DNAH11: variants seen among roughly 807,000 people sequenced by gnomAD.
DNAH11 encodes the protein axonemal beta dynein heavy chain 11.
A neutral mutation model predicts 526.0 loss-of-function variants in DNAH11; 442 were observed. The ratio of observed to expected loss-of-function variants is 0.84; its 90% confidence interval spans 0.78 to 0.91. The LOEUF is 0.91. Among genes scored for constraint, DNAH11 ranks in the 40% least tolerant of loss-of-function variants. DNAH11 has a pLI of 0.00. For missense variants in DNAH11, 6,989 were observed against 5,448.7 expected (o/e 1.28, Z -8.90); for synonymous variants, 2,461 against 1,935.9 (o/e 1.27, Z -7.12).
intron 63 of DNAH11, among the ~76,000 whole-genome samples, chr7:21,809,251 G>C (rs1181776587): frequency 1.3e-5 from 2 of 152,100 alleles, no homozygotes; most frequent in Admixed American, 6.6e-5. Context: ...ATTTGCTATT[G>C]AGTTGTTTGA....
intron 42 of DNAH11, among the ~76,000 whole-genome samples, chr7:21,713,635 T>C (rs1784543392): frequency 6.6e-6 from 1 of 152,164 alleles, no homozygotes; most frequent in African/African-American, 2.4e-5. Flanking sequence ...AGTCCTTTTA[T>C]TGATCCTTCC....
intron 30 of DNAH11, among the ~76,000 whole-genome samples, chr7:21,680,828 C>G (rs933128892): frequency 2.0e-5 from 3 of 152,146 alleles, no homozygotes; most frequent in Admixed American, 6.5e-5. Context: ...CCAAAGCAAA[C>G]ACAAATTGTT....
At chr7:21,738,890 T>G in intron 47 of DNAH11, 24 bp downstream of exon 47, 1 of 1,531,576 alleles carries the variant, frequency 6.5e-7, no homozygotes. Flanking sequence ...TGTAGTTTAC[T>G]CTCTCCCAAA....
intron 54 of DNAH11, among the ~76,000 whole-genome samples, chr7:21,752,944 C>T (rs1186747482): frequency 1.3e-5 from 2 of 152,124 alleles, no homozygotes; most frequent in Non-Finnish European, 2.9e-5. Flanking sequence ...GAACTCGTGG[C>T]CTCATGTCCA....
chr7:21,894,514 C>G, intron 77 of DNAH11, 109 bp from the exon 78 acceptor site: 4 of 1,166,180 alleles, frequency 3.4e-6, no homozygotes, highest in Non-Finnish European at 4.8e-6. Context: ...CAGGCACCTT[C>G]GGAAGTCGTA....
At position 21,867,063 on chromosome 7, in the gene DNAH11, C is replaced by A. The variant is rs190170146; in HGVS notation, c.11690+400C>A. Among the ~76,000 whole-genome samples the A allele has an allele frequency of 1.3e-4, 20 of 152,278 alleles. 1 individual carries two copies. The highest frequency in any genetic ancestry group is 1.9e-4 in the African/African-American group (8 of 41,570). Reference sequence around the variant, plus strand: ...TTTGCATGTCAAACAAAAATGCATTCCTTTCATGGAGTCACTCATAGTCCC... The same window carrying A: ...TTTGCATGTCAAACAAAAATGCATTACTTTCATGGAGTCACTCATAGTCCC... On this transcript the variant is annotated intron_variant, in intron 71 of 81. Coordinates refer to ENST00000409508, the MANE Select transcript of DNAH11 (RefSeq NM_001277115.2).
chr7:21,867,732 C>G (rs1199763179), intron 71 of DNAH11, 127 bp from the exon 72 acceptor site: 16 of 780,578 alleles, frequency 2.0e-5, no homozygotes, highest in Non-Finnish European at 2.7e-5. Flanking sequence ...GTTATTCTAA[C>G]AAGACATCCC....
intron 30 of DNAH11, among the ~76,000 whole-genome samples, chr7:21,663,436 T>A (rs921459114): frequency 2.0e-5 from 3 of 152,136 alleles, no homozygotes; most frequent in Non-Finnish European, 4.4e-5. Flanking sequence ...ATTTATATTC[T>A]CACGAAGAAT....
chr7:21,711,270 A>G (rs537091621), intron 41 of DNAH11, among the ~76,000 whole-genome samples: 1 of 152,286 alleles, frequency 6.6e-6, no homozygotes, highest in South Asian at 2.1e-4. Context: ...AAGATTTAGT[A>G]ACCACCTTAA....
At chr7:21,789,763 CTCTTTCTT>C (rs1554281334) in intron 61 of DNAH11, among the ~76,000 whole-genome samples, 50 of 73,044 alleles carry the variant, frequency 6.8e-4, no homozygotes, top group African/African-American at 1.6e-3. Context: ...ATTTCTTTCT[CTCTTTCTT>C]TCTTTCTTTC....
Position 21,639,023 on chromosome 7 carries a change from T to C in DNAH11, c.4902T>C (p.Ala1634=), listed in dbSNP as rs1786999536. The stretch of plus-strand genomic sequence containing the variant: ...CTCGCTTCTATTTCGTCTCTTCTGC[T>C]GATTTACTTGACATTCTCTCAAAAG... ...AFPRFYFVSS[A]DLLDILSKGA... is the part of the protein sequence containing the mutation. The change falls in exon 28 of 82, where the codon GCT becomes GCC. Residue 1634 remains alanine (A), a synonymous_variant. Coordinates refer to ENST00000409508, the MANE Select transcript of DNAH11 (RefSeq NM_001277115.2). The C allele has an allele frequency of 6.2e-7, 1 of 1,613,740 alleles. No homozygotes were observed. The highest frequency in any genetic ancestry group is 2.2e-5 in the East Asian group (1 of 44,870).
At chr7:21,705,309 A>G in intron 38 of DNAH11, 151 bp from the exon 39 acceptor site, 1 of 688,796 alleles carries the variant, frequency 1.5e-6, no homozygotes, top group Non-Finnish European at 2.4e-6. Context: ...TATACTTTTC[A>G]CTTATGGTCT....
At position 21,765,840 on chromosome 7, in the gene DNAH11, A is replaced by C. The variant is rs576754918; in HGVS notation, c.9102+251A>C. Among the ~76,000 whole-genome samples, 89 of 152,354 alleles carry C rather than the reference A, an allele frequency of 5.8e-4. 1 individual carries two copies. The highest frequency in any genetic ancestry group is 3.4e-3 in the Admixed American group (52 of 15,306). ...CACACGTGCGTGAACACGGGCACGC[A>C]CACAGCACTTGAGTATGTTCTCACT... On this transcript the variant is annotated intron_variant, in intron 55 of 81. Coordinates refer to ENST00000409508, the MANE Select transcript of DNAH11 (RefSeq NM_001277115.2).
chr7:21,631,407 CAA>C (rs1223872158), intron 25 of DNAH11, among the ~76,000 whole-genome samples: 1 of 152,154 alleles, frequency 6.6e-6, no homozygotes, highest in Non-Finnish European at 1.5e-5. Flanking sequence ...AGCATTAACT[CAA>C]GAGTCCACAG....
chr7:21,863,334 TTTTG>T (rs1174132841), intron 69 of DNAH11, among the ~76,000 whole-genome samples: 3 of 152,180 alleles, frequency 2.0e-5, no homozygotes, highest in Non-Finnish European at 4.4e-5. Context: ...ATACTTGTTT[TTTTG>T]TTTGTTTTGA....
At chr7:21,580,948 T>G (rs1378578745) in intron 8 of DNAH11, among the ~76,000 whole-genome samples, 1 of 152,214 alleles carries the variant, frequency 6.6e-6, no homozygotes, top group African/African-American at 2.4e-5. Flanking sequence ...AGGTGAATCA[T>G]TTAACTTCTC....
intron 52 of DNAH11, among the ~76,000 whole-genome samples, chr7:21,749,094 A>C (rs1244840434): frequency 6.6e-6 from 1 of 152,170 alleles, no homozygotes; most frequent in Non-Finnish European, 1.5e-5. Context: ...GAAAAAAGAC[A>C]CTAACTTCAC....
chr7:21,652,342 T>C (rs1022197801), intron 28 of DNAH11, among the ~76,000 whole-genome samples: 2 of 152,156 alleles, frequency 1.3e-5, no homozygotes, highest in Non-Finnish European at 2.9e-5. Flanking sequence ...TTTCATGACA[T>C]TGAATGCTTG....
At position 21,756,555 on chromosome 7, in the gene DNAH11, A is replaced by T. The variant is rs532049264; in HGVS notation, c.8940+6191A>T. On this transcript the variant is annotated intron_variant, in intron 54 of 81. Coordinates refer to ENST00000409508, the MANE Select transcript of DNAH11 (RefSeq NM_001277115.2). ...TATGAAATCAGTTTGATGACTTTTT[A>T]AAAAATTCAATGAAAATTGAATTTA... Among the ~76,000 whole-genome samples, 53 of 152,244 alleles carry T rather than the reference A, an allele frequency of 3.5e-4. 1 individual carries two copies. The South Asian group carries it at 4.2e-3, about 12-fold the overall frequency.
Sources: gnomAD v4.1 joint callset for allele counts (sites outside exome capture counted in the v4.1 genomes callset) on GRCh38, gnomAD v4.1.1 for gene constraint, MANE v1.5 for transcripts, NCBI Gene and HGNC (gene_info 2026-07-23, HGNC 2026-07-21) for gene names.